The following NDRG1 variants were observed in gnomAD, a reference collection of about 807,000 sequenced individuals.
NDRG1 encodes N-myc downstream regulated 1.
Under a neutral mutation model 56.9 loss-of-function variants are expected in NDRG1, and 32 were observed. The ratio of observed to expected loss-of-function variants is 0.56; its 90% CI spans 0.42 to 0.76. The LOEUF is 0.76. Among genes scored for constraint, NDRG1 ranks in the 30% least tolerant of loss-of-function variants. The probability of loss-of-function intolerance (pLI) is 0.00; values close to 1 mark genes in which losing one functional copy is unlikely to be tolerated. For synonymous variants in NDRG1, 211 were observed against 204.1 expected, an observed-to-expected ratio of 1.03 and a Z score of -0.29; for missense variants, 507 against 545.7, an observed-to-expected ratio of 0.93 and a Z score of 0.71.
intron 2 of NDRG1, among the ~76,000 whole-genome samples, 160 bp from the exon 3 acceptor site, chr8:133,280,427 T>C (rs552358123): frequency 2.9e-4 from 42 of 145,444 alleles, no homozygotes; most frequent in African/African-American, 9.0e-4. Context: ...CCTTTTCTCT[T>C]TTTTTTTTTT....
At chr8:133,259,526 C>A in intron 5 of NDRG1, 1 of 465,826 alleles carries the variant, frequency 2.1e-6, no homozygotes, top group Non-Finnish European at 4.0e-6. Context: ...ATAAACATCA[C>A]TGAGGCTGAG....
intron 3 of NDRG1, 86 bp from the exon 4 acceptor site, chr8:133,264,738 T>A: frequency 8.7e-7 from 1 of 1,153,508 alleles, no homozygotes; most frequent in Non-Finnish European, 1.3e-6. Flanking sequence ...TTTCCAACTG[T>A]GTTTTGAGGA....
chr8:133,268,800 C>G (rs989835808), intron 3 of NDRG1, among the ~76,000 whole-genome samples: 1 of 152,064 alleles, frequency 6.6e-6, no homozygotes, highest in Non-Finnish European at 1.5e-5. Flanking sequence ...CCAGCACACA[C>G]AGGAGGAGGA....
At chr8:133,241,013 CA>C (rs1855350356) in intron 15 of NDRG1, 1 of 152,224 alleles carries the variant, frequency 6.6e-6, no homozygotes, top group South Asian at 2.1e-4. Context: ...GCATGGAAAT[CA>C]AACCTGCCAG....
chr8:133,283,628 A>C (rs1857936207), intron 2 of NDRG1, among the ~76,000 whole-genome samples: 1 of 152,256 alleles, frequency 6.6e-6, no homozygotes, highest in African/African-American at 2.4e-5. Flanking sequence ...GCAAAGTTCT[A>C]ACTGTTCCCT....
chr8:133,258,466 A>G (rs1359607071), intron 6 of NDRG1, 40 bp from the exon 7 acceptor site: 2 of 1,583,380 alleles, frequency 1.3e-6, no homozygotes, highest in Non-Finnish European at 1.7e-6. Context: ...ACAAGGACAG[A>G]GTGACGGGAG....
At chr8:133,239,310 C>A (rs868160030) in intron 15 of NDRG1, 191 bp from the exon 16 acceptor site, 6 of 896,628 alleles carry the variant, frequency 6.7e-6, no homozygotes, top group African/African-American at 6.7e-5. Context: ...GGCCCAGATG[C>A]GGGAAGGAAC....
At chr8:133,290,971 C>T (rs982905562) in intron 1 of NDRG1, among the ~76,000 whole-genome samples, 3 of 152,180 alleles carry the variant, frequency 2.0e-5, no homozygotes, top group African/African-American at 7.2e-5. Flanking sequence ...ACTTGACTTC[C>T]AAAGGCCACA....
intron 3 of NDRG1, among the ~76,000 whole-genome samples, chr8:133,270,686 G>A (rs1472490042): frequency 1.8e-4 from 28 of 152,190 alleles, no homozygotes. Flanking sequence ...GTGACAGTAG[G>A]AAGCTGTAAG....
In NDRG1 at chr8:133,242,166, T is replaced by G; in HGVS notation, c.892-92A>C. ...GGCTGTGCCTGTGGTCACCTTCATTTGAGAGTTTGGCTCAAGACAAAAGCC... is the reference window on the plus strand; with the variant it reads ...GGCTGTGCCTGTGGTCACCTTCATTGGAGAGTTTGGCTCAAGACAAAAGCC... On this transcript the variant is annotated intron_variant, in intron 14 of 15. Transcript: ENST00000323851. 6.7e-6 allele frequency: 9 copies of G among 1,333,514 alleles called. No individual in the cohort carries two copies. In the South Asian group the frequency reaches 1.1e-4, roughly 16 times the overall value. The allele number at this position is 1,333,514 out of a possible 1,614,324, so 82.6% of individuals were successfully genotyped here.
chr8:133,239,914 G>T (rs887980602), intron 15 of NDRG1: 3 of 152,374 alleles, frequency 2.0e-5, no homozygotes, highest in Non-Finnish European at 4.4e-5. Context: ...ATCATCCTGG[G>T]TTGAGAGGGA....
intron 8 of NDRG1, 67 bp from the exon 9 acceptor site, chr8:133,254,662 C>T (rs1450219963): frequency 2.0e-6 from 3 of 1,522,218 alleles, no homozygotes; most frequent in East Asian, 4.6e-5. Context: ...GTCAGCAAAA[C>T]CCCACTTCCC....
At chr8:133,261,847 C>A (rs1856674477) in intron 5 of NDRG1, among the ~76,000 whole-genome samples, 200 bp downstream of exon 5, 1 of 152,164 alleles carries the variant, frequency 6.6e-6, no homozygotes, top group African/African-American at 2.4e-5. Flanking sequence ...GTCCTTAATG[C>A]CACTGAACTA....
chr8:133,259,136 A>C, intron 6 of NDRG1, 32 bp downstream of exon 6: 3 of 1,599,738 alleles, frequency 1.9e-6, no homozygotes, highest in Non-Finnish European at 2.6e-6. Flanking sequence ...GCTTCTCTGC[A>C]GACAGAGAAG....
At chr8:133,273,604 A>T (rs1032326344) in intron 3 of NDRG1, among the ~76,000 whole-genome samples, 4 of 152,228 alleles carry the variant, frequency 2.6e-5, no homozygotes, top group Non-Finnish European at 4.4e-5. Context: ...GAGGCCAGCC[A>T]TTACGACTTC....
chr8:133,273,149 C>G (rs1378736032), intron 3 of NDRG1, among the ~76,000 whole-genome samples: 1 of 122,724 alleles, frequency 8.1e-6, no homozygotes, highest in African/African-American at 2.7e-5. Context: ...GCTCATTTCC[C>G]ACAGAGCCCT....
intron 3 of NDRG1, among the ~76,000 whole-genome samples, chr8:133,267,634 C>T (rs2130752743): frequency 6.6e-6 from 1 of 152,340 alleles, no homozygotes; most frequent in African/African-American, 2.4e-5. Flanking sequence ...GAACAAAGGT[C>T]CATTTGTTTG....
chr8:133,244,364 C>T lies in NDRG1; in HGVS notation c.882G>A (p.Gln294=). 6.2e-7 allele frequency: 1 copy of T among 1,614,224 alleles called. No individual in the cohort carries two copies. Among genetic ancestry groups the T allele is most frequent in the Non-Finnish European group, 8.5e-7 (1 of 1,180,036 alleles). Reference sequence around the variant, plus strand: ...CCAACATGGCACTCACCTGGGAGATCTGCGGGAGGCCGCCACAGTCCGCCA... The same window carrying T: ...CCAACATGGCACTCACCTGGGAGATTTGCGGGAGGCCGCCACAGTCCGCCA... ...LKMADCGGLP[Q]ISQPAKLAEA... Residue 294 remains glutamine, a synonymous_variant, in exon 14 of 16, where the codon CAG becomes CAA. Transcript: ENST00000323851.
At chr8:133,258,547 A>G in intron 6 of NDRG1, 121 bp from the exon 7 acceptor site, 1 of 926,680 alleles carries the variant, frequency 1.1e-6, no homozygotes, top group Non-Finnish European at 1.7e-6. Flanking sequence ...ATGCTGCCGT[A>G]ACTGCCTGCA....
Sources: gnomAD v4.1 joint callset for allele counts (sites outside exome capture counted in the v4.1 genomes callset) on GRCh38, gnomAD v4.1.1 for gene constraint, MANE v1.5 for transcripts, NCBI Gene and HGNC (gene_info 2026-07-23, HGNC 2026-07-21) for gene names.